Variants in FARS2 observed in about 807,000 individuals in gnomAD.
FARS2 encodes phenylalanine--tRNA ligase, mitochondrial.
In FARS2, 40 loss-of-function variants were observed where a neutral mutation model predicts 46.4. The ratio of observed to expected loss-of-function variants is 0.86; its 90% confidence interval spans 0.67 to 1.12. The LOEUF (loss-of-function observed/expected upper bound fraction) is 1.12. FARS2 is among the 50% of genes most tolerant of loss of function. FARS2 has a pLI of 0.00. For synonymous variants in FARS2, 234 were observed against 214.9 expected (o/e 1.09, Z -0.78); for missense variants, 513 against 567.9 (o/e 0.90, Z 0.98).
intron 1 of FARS2, among the ~76,000 whole-genome samples, chr6:5,346,647 A>G (rs1757247811): frequency 6.6e-6 from 1 of 152,210 alleles, no homozygotes; most frequent in Admixed American, 6.5e-5. Flanking sequence ...AAAATTTTAC[A>G]GTTAACCTTC....
At chr6:5,490,769 T>C (rs1334068039) in intron 4 of FARS2, among the ~76,000 whole-genome samples, 1 of 152,206 alleles carries the variant, frequency 6.6e-6, no homozygotes, top group African/African-American at 2.4e-5. Context: ...GAGACCCACA[T>C]AGTGAGGAAC....
intron 5 of FARS2, among the ~76,000 whole-genome samples, chr6:5,608,404 G>A (rs998567324): frequency 3.3e-5 from 5 of 152,128 alleles, no homozygotes; most frequent in East Asian, 1.9e-4. Context: ...ATCAGTTTAA[G>A]TTTTCTGTTT....
At chr6:5,326,621 T>A (rs1459611933) in intron 1 of FARS2, among the ~76,000 whole-genome samples, 1 of 152,170 alleles carries the variant, frequency 6.6e-6, no homozygotes, top group East Asian at 1.9e-4. Context: ...AGCTTCGAGT[T>A]CCAGGAGCAG....
At chr6:5,260,009 G>A (rs181812741), upstream of FARS2, among the ~76,000 whole-genome samples, 1 of 152,292 alleles carries the variant, frequency 6.6e-6, no homozygotes, top group Admixed American at 6.5e-5. Context: ...TGTGAGTTTA[G>A]GCCCTCAATA....
intron 5 of FARS2, among the ~76,000 whole-genome samples, chr6:5,590,134 T>A (rs186246144): frequency 6.6e-6 from 1 of 152,348 alleles, no homozygotes; most frequent in East Asian, 1.9e-4. Context: ...TCAGTAATGT[T>A]AGATAATGTA....
At chr6:5,260,935 G>T (rs985312219), upstream of FARS2, 2 of 1,350,380 alleles carry the variant, frequency 1.5e-6, no homozygotes, top group Non-Finnish European at 1.9e-6. Flanking sequence ...TTCGGGGGCG[G>T]GCGCAGGCAG....
At chr6:5,399,888 T>C (rs1261841245) in intron 2 of FARS2, among the ~76,000 whole-genome samples, 1 of 152,160 alleles carries the variant, frequency 6.6e-6, no homozygotes, top group Non-Finnish European at 1.5e-5. Context: ...TGTGAGACTT[T>C]TTAAAAAAAT....
intron 2 of FARS2, among the ~76,000 whole-genome samples, chr6:5,401,744 A>C (rs1761267333): frequency 6.6e-6 from 1 of 152,022 alleles, no homozygotes; most frequent in South Asian, 2.1e-4. Context: ...AAACTTCTTG[A>C]CCCACATTTT....
chr6:5,567,590 G>A (rs1772393241), intron 5 of FARS2, among the ~76,000 whole-genome samples: 2 of 152,186 alleles, frequency 1.3e-5, no homozygotes, highest in Admixed American at 1.3e-4. Context: ...ATATCTATTT[G>A]TTGAGTATAG....
rs571693944 is a variant in FARS2 at position 5,399,972 on chromosome 6, G to A, written c.613-4570G>A. Among the ~76,000 whole-genome samples the A allele has an allele frequency of 3.9e-5, 6 of 152,296 alleles. No individual in the cohort carries two copies. In the East Asian group the frequency reaches 7.7e-4, roughly 20 times the overall value. On this transcript the variant is annotated intron_variant, in intron 2 of 6. Coordinates refer to ENST00000274680, the MANE Select transcript of FARS2 (RefSeq NM_006567.5). The stretch of plus-strand genomic sequence containing the variant: ...TTAATGTTGGAAGTATATTTTCAGG[G>A]TAAGTAGTTAGAAATGGAAGGACTG...
At chr6:5,408,907 T>C (rs574036092) in intron 3 of FARS2, among the ~76,000 whole-genome samples, 22 of 152,278 alleles carry the variant, frequency 1.4e-4, no homozygotes, top group African/African-American at 5.1e-4. Flanking sequence ...CCAGGAGATA[T>C]TTTAAAAAGT....
chr6:5,299,390 G>A (rs940970111), intron 1 of FARS2, among the ~76,000 whole-genome samples: 1 of 152,138 alleles, frequency 6.6e-6, no homozygotes, highest in African/African-American at 2.4e-5. Context: ...TTGGTTTCAA[G>A]GAATGCTTTG....
At chr6:5,575,269 C>A (rs1772894531) in intron 5 of FARS2, among the ~76,000 whole-genome samples, 1 of 152,178 alleles carries the variant, frequency 6.6e-6, no homozygotes, top group Non-Finnish European at 1.5e-5. Context: ...TGTTCAACAT[C>A]AGCTGGGAAC....
intron 1 of FARS2, among the ~76,000 whole-genome samples, chr6:5,296,592 C>T (rs1478803589): frequency 1.3e-5 from 2 of 152,200 alleles, no homozygotes; most frequent in Non-Finnish European, 2.9e-5. Context: ...CCCCTCTCCC[C>T]CAAGCCTCTG....
intron 4 of FARS2, among the ~76,000 whole-genome samples, chr6:5,529,978 T>C (rs1014846000): frequency 2.6e-5 from 4 of 152,340 alleles, no homozygotes; most frequent in Admixed American, 1.3e-4. Flanking sequence ...AGGCCACATA[T>C]GCATGAGTAA....
At chr6:5,447,198 G>C (rs190652043) in intron 4 of FARS2, among the ~76,000 whole-genome samples, 5 of 152,142 alleles carry the variant, frequency 3.3e-5, no homozygotes, top group Admixed American at 1.3e-4. Context: ...TTGTCTAGGC[G>C]CTAAATGATG....
chr6:5,561,430 G>A (rs1762908345), intron 5 of FARS2, among the ~76,000 whole-genome samples: 1 of 152,044 alleles, frequency 6.6e-6, no homozygotes, highest in African/African-American at 2.4e-5. Flanking sequence ...TTCTTGAATG[G>A]CAGTTTAACA....
chr6:5,256,490 G>GAAAAAAAAAAAAAAAAAAAAAAAAAAA (rs777995486), upstream of FARS2, among the ~76,000 whole-genome samples: 1 of 37,520 alleles, frequency 2.7e-5, no homozygotes, highest in African/African-American at 8.1e-5. Flanking sequence ...GATTTCAACT[G>GAAAAAAAAAAAAAAAAAAAAAAAAAAA]GAAAAAAAAA....
intron 4 of FARS2, among the ~76,000 whole-genome samples, chr6:5,519,065 T>C (rs1768977662): frequency 6.6e-6 from 1 of 152,232 alleles, no homozygotes; most frequent in African/African-American, 2.4e-5. Flanking sequence ...TGATATGGTG[T>C]ATAACATACA....
Sources: allele counts gnomAD v4.1 joint callset (sites outside exome capture counted in the v4.1 genomes callset), GRCh38; gene constraint gnomAD v4.1.1; transcripts MANE v1.5; gene names NCBI Gene and HGNC (gene_info 2026-07-23, HGNC 2026-07-21).